RBFOX1: variants seen among roughly 807,000 people sequenced by gnomAD.
RBFOX1 encodes RNA binding protein fox-1 homolog 1.
RBFOX1 carries 8 observed loss-of-function variants against 57.7 expected under a neutral mutation model. The observed-to-expected ratio is 0.14, with a 90% CI of 0.08 to 0.25. The LOEUF is 0.25. Ranked by LOEUF, RBFOX1 falls within the 10% of genes least tolerant of loss-of-function variation. The pLI, the probability that RBFOX1 is intolerant of heterozygous loss-of-function variation, is 1.00. For synonymous variants in RBFOX1, 326 were observed against 222.4 expected (o/e 1.47, Z -4.15); for missense variants, 611 against 548.5 (o/e 1.11, Z -1.14).
At chr16:5,697,469 C>T (rs1036570944) in intron 3 of RBFOX1, among the ~76,000 whole-genome samples, 1 of 150,520 alleles carries the variant, frequency 6.6e-6, no homozygotes, top group Non-Finnish European at 1.5e-5. Flanking sequence ...ATTGCACGAG[C>T]TAGAGGACCA....
rs367606263 is a variant in RBFOX1, at chr16:6,798,504, A to G, written c.-16+143854A>G. Among the ~76,000 whole-genome samples, 17 of 152,102 alleles carry G rather than the reference A, an allele frequency of 1.1e-4. No individual in the cohort carries two copies. In the East Asian group the frequency reaches 2.1e-3, roughly 19 times the overall value. ...GAAACATTGCCTAATTCTGAACCAGACCCCTGATGCTTAAATAGGAAGCCC... is the reference window on the plus strand; with the variant it reads ...GAAACATTGCCTAATTCTGAACCAGGCCCCTGATGCTTAAATAGGAAGCCC... On this transcript the variant is annotated intron_variant, in intron 3 of 15. Coordinates refer to ENST00000550418, the MANE Select transcript of RBFOX1 (RefSeq NM_018723.4).
chr16:7,391,130 TC>T (rs2098008029), intron 4 of RBFOX1, among the ~76,000 whole-genome samples: 1 of 152,152 alleles, frequency 6.6e-6, no homozygotes, highest in South Asian at 2.1e-4. Flanking sequence ...TGACAGTTAA[TC>T]CACTGGAAGG....
intron 3 of RBFOX1, among the ~76,000 whole-genome samples, chr16:5,819,684 CCA>C (rs1412656964): frequency 2.6e-5 from 4 of 152,246 alleles, no homozygotes; most frequent in Admixed American, 2.6e-4. Context: ...TATGCTGCTC[CCA>C]CTGCCTGGAA....
intron 4 of RBFOX1, among the ~76,000 whole-genome samples, chr16:5,904,055 C>T (rs952174100): frequency 1.3e-5 from 2 of 152,082 alleles, no homozygotes; most frequent in Non-Finnish European, 2.9e-5. Context: ...TGGAGCTTCC[C>T]GAAAAGGCCA....
intron 4 of RBFOX1, among the ~76,000 whole-genome samples, chr16:5,998,683 A>G (rs1173465089): frequency 6.6e-6 from 1 of 152,114 alleles, no homozygotes; most frequent in Non-Finnish European, 1.5e-5. Flanking sequence ...TCCCATCCGA[A>G]TGTCCTTTCT....
At chr16:6,922,833 T>C (rs1597325151) in intron 3 of RBFOX1, among the ~76,000 whole-genome samples, 1 of 152,286 alleles carries the variant, frequency 6.6e-6, no homozygotes, top group Non-Finnish European at 1.5e-5. Flanking sequence ...GATGATGGTG[T>C]CACAGAGCAC....
intron 1 of RBFOX1, among the ~76,000 whole-genome samples, chr16:5,339,708 A>C (rs568096220): frequency 6.6e-6 from 1 of 151,966 alleles, no homozygotes; most frequent in African/African-American, 2.4e-5. Context: ...CGAACTCCTG[A>C]ACTCAGGTGA....
chr16:6,686,689 C>T (rs2059484465), intron 3 of RBFOX1, among the ~76,000 whole-genome samples: 1 of 152,122 alleles, frequency 6.6e-6, no homozygotes, highest in Admixed American at 6.6e-5. Flanking sequence ...TTCTTTAATG[C>T]TAAGGGAACG....
intron 3 of RBFOX1, among the ~76,000 whole-genome samples, chr16:6,886,709 C>G (rs577441718): frequency 2.7e-5 from 4 of 150,444 alleles, no homozygotes; most frequent in Non-Finnish European, 5.9e-5. Context: ...AAACTGAGAT[C>G]GCACCACCGC....
chr16:7,410,419 C>A lies in RBFOX1; in HGVS notation c.28-107728C>A, dbSNP rs549876972. ...AGCCTCGGCTGAGCGTGATGGCTCA[C>A]GCCTGTAATCCCAGCACTTTGGGAG... On this transcript the variant is annotated intron_variant, in intron 4 of 15. Coordinates refer to ENST00000550418, the MANE Select transcript of RBFOX1 (RefSeq NM_018723.4). 1.6e-3 allele frequency among the ~76,000 whole-genome samples: 250 copies of A among 152,314 alleles called. 1 individual carries two copies. Among genetic ancestry groups the A allele is most frequent in the Non-Finnish European group, 2.9e-3 (194 of 68,014 alleles).
intron 1 of RBFOX1, among the ~76,000 whole-genome samples, chr16:6,230,152 C>G (rs552668050): frequency 2.0e-5 from 3 of 152,122 alleles, no homozygotes; most frequent in Non-Finnish European, 4.4e-5. Context: ...TAGCTTTTCC[C>G]TTTGCAAAAA....
intron 3 of RBFOX1, among the ~76,000 whole-genome samples, chr16:6,948,020 C>A (rs1003921004): frequency 6.6e-6 from 1 of 152,154 alleles, no homozygotes; most frequent in Non-Finnish European, 1.5e-5. Flanking sequence ...CTAAAGCAGT[C>A]CAGCTGCCTT....
intron 4 of RBFOX1, among the ~76,000 whole-genome samples, chr16:7,217,847 T>A (rs1336600929): frequency 1.3e-5 from 2 of 152,186 alleles, no homozygotes; most frequent in African/African-American, 2.4e-5. Context: ...ACTCACTGCA[T>A]GTGTGTGGGC....
intron 2 of RBFOX1, among the ~76,000 whole-genome samples, chr16:5,546,805 A>G (rs2045225238): frequency 6.6e-6 from 1 of 152,218 alleles, no homozygotes; most frequent in Admixed American, 6.5e-5. Flanking sequence ...TTTGAAAAAC[A>G]GTTAAGAGAG....
intron 1 of RBFOX1, among the ~76,000 whole-genome samples, chr16:6,299,844 T>C (rs927028445): frequency 6.6e-6 from 1 of 152,100 alleles, no homozygotes; most frequent in African/African-American, 2.4e-5. Context: ...AAAAATGGCA[T>C]TAAAAACACC....
chr16:7,294,670 G>T (rs902764232), intron 4 of RBFOX1, among the ~76,000 whole-genome samples: 1 of 152,082 alleles, frequency 6.6e-6, no homozygotes, highest in African/African-American at 2.4e-5. Context: ...GGTGGCTGGG[G>T]TCAGCGATAT....
At chr16:6,715,115 G>C (rs2064518583) in intron 3 of RBFOX1, among the ~76,000 whole-genome samples, 2 of 152,118 alleles carry the variant, frequency 1.3e-5, no homozygotes, top group South Asian at 2.1e-4. Context: ...ATACAGTCAA[G>C]ATTTGCCACT....
chr16:5,994,786 C>T (rs1175734686), intron 4 of RBFOX1, among the ~76,000 whole-genome samples: 2 of 152,312 alleles, frequency 1.3e-5, no homozygotes, highest in Middle Eastern at 3.4e-3. Flanking sequence ...CAAATTCCTC[C>T]TGGGCAAGTC....
intron 4 of RBFOX1, among the ~76,000 whole-genome samples, chr16:7,473,861 G>A (rs186914378): frequency 9.2e-5 from 14 of 152,258 alleles, no homozygotes; most frequent in African/African-American, 3.4e-4. Context: ...GATTCTAGGG[G>A]ATGTGCCAAA....
Sources: allele counts gnomAD v4.1 joint callset (sites outside exome capture counted in the v4.1 genomes callset), GRCh38; gene constraint gnomAD v4.1.1; transcripts MANE v1.5; gene names NCBI Gene and HGNC (gene_info 2026-07-23, HGNC 2026-07-21).